HECA: variants seen among roughly 807,000 people sequenced by gnomAD.
HECA encodes the protein HECA ribonucleoprotein granule regulator.
A neutral mutation model predicts 37.6 loss-of-function variants in HECA; 13 were observed. That is an observed-to-expected ratio of 0.35 (90% CI 0.23 to 0.55). HECA has a LOEUF of 0.55. Ranked by LOEUF, HECA falls within the 20% of genes least tolerant of loss-of-function variation. The probability of loss-of-function intolerance (pLI) is 0.90; values close to 1 mark genes in which losing one functional copy is unlikely to be tolerated. For missense variants in HECA, 527 were observed against 701.9 expected, an observed-to-expected ratio of 0.75 and a Z score of 2.82; for synonymous variants, 307 against 291.5, an observed-to-expected ratio of 1.05 and a Z score of -0.54.
intron 1 of HECA, among the ~76,000 whole-genome samples, chr6:139,164,634 T>C (rs1034636141): frequency 6.6e-6 from 1 of 152,146 alleles, no homozygotes; most frequent in Admixed American, 6.5e-5. Flanking sequence ...CTGCATGGTA[T>C]AAAATCCTAC....
intron 1 of HECA, among the ~76,000 whole-genome samples, chr6:139,138,723 A>C (rs528391119): frequency 1.9e-4 from 29 of 152,352 alleles, no homozygotes; most frequent in Admixed American, 4.6e-4. Flanking sequence ...GCAGTTGTGC[A>C]TCTTGAGTAA....
At chr6:139,163,601 G>A (rs181112096) in intron 1 of HECA, among the ~76,000 whole-genome samples, 4 of 152,180 alleles carry the variant, frequency 2.6e-5, no homozygotes, top group South Asian at 2.1e-4. Flanking sequence ...TGATCCACCC[G>A]CCACGGCCTT....
intron 1 of HECA, among the ~76,000 whole-genome samples, chr6:139,149,410 G>C (rs191203450): frequency 6.6e-6 from 1 of 152,320 alleles, no homozygotes; most frequent in East Asian, 1.9e-4. Context: ...CCATAGAGCT[G>C]TTTGGAAAAG....
At chr6:139,168,456 T>A (rs1232474073) in intron 2 of HECA, among the ~76,000 whole-genome samples, 1 of 151,568 alleles carries the variant, frequency 6.6e-6, no homozygotes, top group Non-Finnish European at 1.5e-5. Context: ...TTTGGCTAGT[T>A]CTCACTCTCC....
In HECA at chr6:139,167,018, C is replaced by A. The variant is rs1432216515; in HGVS notation, c.1006C>A (p.His336Asn). 3 of 1,614,186 alleles carry A rather than the reference C, an allele frequency of 1.9e-6. No homozygotes were observed. The highest frequency in any genetic ancestry group is 2.2e-5 in the South Asian group (2 of 91,086). The change falls in exon 2 of 4, where the codon CAC becomes AAC. Residue 336 changes from histidine (H) to asparagine (N), a missense_variant. His to Asn is a moderately conservative substitution (Grantham distance 68, BLOSUM62 1). Coordinates refer to ENST00000367658, the MANE Select transcript of HECA (RefSeq NM_016217.3). ...PAGLAVHRGG[H>N]FDTPVQFLRR... ...GGGGTTGGCAGTTCACAGGGGGGGA[C>A]ACTTCGACACCCCCGTGCAGTTCCT... is the stretch of plus-strand genomic sequence containing the variant.
chr6:139,150,531 ATTAATT>A (rs2114447172), intron 1 of HECA, among the ~76,000 whole-genome samples: 1 of 151,448 alleles, frequency 6.6e-6, no homozygotes, highest in South Asian at 2.1e-4. Context: ...TTTTTAAATA[ATTAATT>A]TTAAATATTT....
At chr6:139,148,087 AT>A (rs1336284083) in intron 1 of HECA, among the ~76,000 whole-genome samples, 4 of 151,768 alleles carry the variant, frequency 2.6e-5, no homozygotes, top group African/African-American at 9.7e-5. Flanking sequence ...GATCATTTGT[AT>A]TTTTTTCTTG....
chr6:139,144,934 A>G (rs1326721428), intron 1 of HECA, among the ~76,000 whole-genome samples: 3 of 152,214 alleles, frequency 2.0e-5, no homozygotes, highest in Non-Finnish European at 2.9e-5. Context: ...TGAGGTTAAC[A>G]TCAGAGAACT....
intron 1 of HECA, among the ~76,000 whole-genome samples, chr6:139,138,681 G>A (rs767935166): frequency 3.3e-5 from 5 of 152,178 alleles, no homozygotes; most frequent in Admixed American, 2.6e-4. Flanking sequence ...GGAAGCCGCG[G>A]TATAGTTGTG....
intron 1 of HECA, among the ~76,000 whole-genome samples, chr6:139,142,684 A>C (rs1260085210): frequency 6.6e-6 from 1 of 152,224 alleles, no homozygotes; most frequent in Non-Finnish European, 1.5e-5. Context: ...ATGGTGGCTC[A>C]CGACTGTAAT....
chr6:139,170,472 A>C (rs1680509690), intron 2 of HECA: 2 of 152,268 alleles, frequency 1.3e-5, no homozygotes, highest in Admixed American at 6.5e-5. Flanking sequence ...TCGTAAAAAG[A>C]GGCAGCATGA....
intron 1 of HECA, among the ~76,000 whole-genome samples, chr6:139,162,271 A>G (rs1473137795): frequency 6.6e-6 from 1 of 152,136 alleles, no homozygotes; most frequent in Non-Finnish European, 1.5e-5. Context: ...TAAAATTGGT[A>G]TGTAGAGAGG....
In HECA at chr6:139,166,729, C is replaced by T. The variant is rs773487294; in HGVS notation, c.717C>T (p.Leu239=). 12 of 1,612,460 alleles carry T rather than the reference C, an allele frequency of 7.4e-6. No individual in the cohort carries two copies. The highest frequency in any genetic ancestry group is 2.7e-5 in the African/African-American group (2 of 74,930). ...NKPQKGPSHD[L]PRRHSMDRQN... is the part of the protein sequence containing the mutation. ...CCCAGAAAGGCCCAAGCCACGACCT[C>T]CCCCGCCGGCATTCCATGGACCGGC... The change falls in exon 2 of 4, where the codon CTC becomes CTT. Residue 239 remains leucine (L), a synonymous_variant. Coordinates refer to ENST00000367658, the MANE Select transcript of HECA (RefSeq NM_016217.3).
chr6:139,170,180 GATGAAT>G (rs1774951770), intron 2 of HECA: 1 of 152,150 alleles, frequency 6.6e-6, no homozygotes, highest in Non-Finnish European at 1.5e-5. Flanking sequence ...TTTTTATGAA[GATGAAT>G]ATGGGTACAG....
chr6:139,149,920 T>C (rs183997039), intron 1 of HECA, among the ~76,000 whole-genome samples: 30 of 152,354 alleles, frequency 2.0e-4, no homozygotes, highest in African/African-American at 6.5e-4. Flanking sequence ...GATTTTGTTA[T>C]AACAGCAGAG....
chr6:139,174,841 C>A (rs1775029547), intron 3 of HECA, among the ~76,000 whole-genome samples: 1 of 151,968 alleles, frequency 6.6e-6, no homozygotes, highest in African/African-American at 2.4e-5. Context: ...AATTGCTAAC[C>A]TGTTACCAGA....
intron 1 of HECA, among the ~76,000 whole-genome samples, chr6:139,162,260 G>A (rs892819801): frequency 6.6e-6 from 1 of 152,132 alleles, no homozygotes; most frequent in African/African-American, 2.4e-5. Context: ...GGCAATCCTG[G>A]TAAAATTGGT....
At chr6:139,165,740 G>A (rs918075457) in intron 1 of HECA, among the ~76,000 whole-genome samples, 26 of 152,240 alleles carry the variant, frequency 1.7e-4, no homozygotes, top group Non-Finnish European at 2.9e-4. Flanking sequence ...TTGGGTTAGC[G>A]GATTCTACTT....
chr6:139,168,528 A>C (rs1774927614), intron 2 of HECA, among the ~76,000 whole-genome samples: 1 of 151,780 alleles, frequency 6.6e-6, no homozygotes, highest in African/African-American at 2.4e-5. Flanking sequence ...TTTTTTGGAA[A>C]AAAAATTTTT....
Sources: allele counts gnomAD v4.1 joint callset (sites outside exome capture counted in the v4.1 genomes callset), GRCh38; gene constraint gnomAD v4.1.1; transcripts MANE v1.5; gene names NCBI Gene and HGNC (gene_info 2026-07-23, HGNC 2026-07-21).